Variants in PARD3B observed in about 807,000 individuals in gnomAD.
PARD3B encodes the protein partitioning defective 3 homolog B.
PARD3B carries 103 observed loss-of-function variants against 130.2 expected under a neutral mutation model. That is an observed-to-expected ratio of 0.79 (90% CI 0.67 to 0.93). The LOEUF (loss-of-function observed/expected upper bound fraction) is 0.93, where lower values mean the gene tolerates loss of function less well. PARD3B is among the 40% of genes least tolerant of loss of function. PARD3B has a pLI of 0.00. For missense variants in PARD3B, 1,609 were observed against 1,499.2 expected (o/e 1.07, Z -1.21); for synonymous variants, 583 against 553.2 (o/e 1.05, Z -0.76).
In PARD3B at chr2:205,309,210, G is replaced by A. The variant is rs147825086; in HGVS notation, c.2630+7509G>A. Among the ~76,000 whole-genome samples, 65 of 152,296 alleles carry A rather than the reference G, an allele frequency of 4.3e-4. No homozygotes were observed. In the East Asian group the frequency reaches 0.012, roughly 28 times the overall value. On this transcript the variant is annotated intron_variant, in intron 18 of 22. Transcript: ENST00000406610. The surrounding 1 kb of genome is among the most constrained non-coding windows in gnomAD (Gnocchi z 4.7). ...ACCTGCAGTACACATTCTAAGACAG[G>A]TGGGCATTAATGTAAATGGTGAACT... is the stretch of plus-strand genomic sequence containing the variant.
chr2:204,717,657 C>T (rs898926301), intron 2 of PARD3B, among the ~76,000 whole-genome samples: 12 of 152,260 alleles, frequency 7.9e-5, no homozygotes, highest in East Asian at 5.8e-4. Flanking sequence ...GTGAGAGCCA[C>T]GGTCATCTCT....
intron 1 of PARD3B, among the ~76,000 whole-genome samples, chr2:204,614,249 A>G (rs1179978186): frequency 1.3e-5 from 2 of 152,338 alleles, no homozygotes; most frequent in African/African-American, 2.4e-5. Context: ...CGTAAAGCTG[A>G]TATTTCCCAA....
intron 3 of PARD3B, among the ~76,000 whole-genome samples, chr2:204,994,285 G>C (rs1407390174): frequency 9.0e-6 from 1 of 111,450 alleles, no homozygotes; most frequent in Non-Finnish European, 1.9e-5. Context: ...TTGTGTCTTT[G>C]TTCTCGTTGG....
chr2:205,518,682 T>C (rs1335543553), intron 21 of PARD3B, among the ~76,000 whole-genome samples: 1 of 152,196 alleles, frequency 6.6e-6, no homozygotes, highest in East Asian at 1.9e-4. Flanking sequence ...GACACTGGTC[T>C]GTATGTTTAA....
At position 205,251,330 on chromosome 2, in the gene PARD3B, C is replaced by T. The variant is rs1328796580; in HGVS notation, c.2185+5508C>T. 2.6e-5 allele frequency among the ~76,000 whole-genome samples: 4 copies of T among 151,904 alleles called. No individual in the cohort carries two copies. In the South Asian group the frequency reaches 6.3e-4, roughly 24 times the overall value. The stretch of plus-strand genomic sequence containing the variant: ...TATGAGAGAGAAGATGTGCATGTGA[C>T]GTGTATAAATTATACCAAAGGCACA... On this transcript the variant is annotated intron_variant, in intron 16 of 22. Transcript: ENST00000406610.
chr2:204,722,213 C>T (rs2039029221), intron 2 of PARD3B, among the ~76,000 whole-genome samples: 2 of 152,138 alleles, frequency 1.3e-5, no homozygotes, highest in African/African-American at 4.8e-5. Flanking sequence ...ATAATTGGAT[C>T]CTGTAGATTG....
At chr2:205,580,547 C>T (rs1344866363) in intron 22 of PARD3B, among the ~76,000 whole-genome samples, 1 of 152,162 alleles carries the variant, frequency 6.6e-6, no homozygotes, top group African/African-American at 2.4e-5. Flanking sequence ...CTCAAATCTG[C>T]ACCAAAAGCT....
At chr2:204,627,767 G>C (rs2034537264) in intron 1 of PARD3B, among the ~76,000 whole-genome samples, 1 of 152,010 alleles carries the variant, frequency 6.6e-6, no homozygotes, top group African/African-American at 2.4e-5. Flanking sequence ...TTTAATCCCA[G>C]AAAAAGACTT....
At chr2:204,652,948 T>C (rs1292514864) in intron 1 of PARD3B, among the ~76,000 whole-genome samples, 1 of 150,946 alleles carries the variant, frequency 6.6e-6, no homozygotes, top group East Asian at 1.9e-4. Context: ...ATCATGACAA[T>C]AGCAGGGGAA....
chr2:205,502,802 A>AAT (rs1346876610), intron 21 of PARD3B, among the ~76,000 whole-genome samples: 3 of 152,158 alleles, frequency 2.0e-5, no homozygotes, highest in Middle Eastern at 3.4e-3. Flanking sequence ...AATATTTTAA[A>AAT]ATATATATAT....
Position 204,907,417 on chromosome 2 carries a change from A to T in PARD3B, c.223-57735A>T, listed in dbSNP as rs1037373218. 6.6e-6 allele frequency among the ~76,000 whole-genome samples: 1 copy of T among 152,188 alleles called. No individual in the cohort carries two copies. The highest frequency in any genetic ancestry group is 6.5e-5 in the Admixed American group (1 of 15,278). On this transcript the variant is annotated intron_variant, in intron 2 of 22. Coordinates refer to ENST00000406610, the MANE Select transcript of PARD3B (RefSeq NM_001302769.2). This position sits in a 1 kb window ranked among gnomAD's most constrained non-coding sequence, Gnocchi z 5.7. ...TTACATTTCTATTTGAATGTAAATT[A>T]TATTATGTGATAAAATTCCTCTGGA...
At chr2:204,847,711 G>C (rs2044520838) in intron 2 of PARD3B, among the ~76,000 whole-genome samples, 1 of 152,096 alleles carries the variant, frequency 6.6e-6, no homozygotes, top group Non-Finnish European at 1.5e-5. Context: ...TTGTGTTCAA[G>C]TAACCCTCAT....
chr2:205,435,549 T>C (rs2047483839), intron 19 of PARD3B, among the ~76,000 whole-genome samples: 1 of 151,942 alleles, frequency 6.6e-6, no homozygotes, highest in Non-Finnish European at 1.5e-5. Context: ...TGGTAAAGAG[T>C]TTATTTTGTG....
chr2:205,230,034 T>C lies in PARD3B; in HGVS notation c.2141-15744T>C, dbSNP rs992343098. The stretch of plus-strand genomic sequence containing the variant: ...TGCTGCCAGGCCTGGGACTCTCTCT[T>C]CAGGGCAGTGGGCTCTCCTCTGGCC... On this transcript the variant is annotated intron_variant, in intron 15 of 22. Coordinates refer to ENST00000406610, the MANE Select transcript of PARD3B (RefSeq NM_001302769.2). This position sits in a 1 kb window ranked among gnomAD's most constrained non-coding sequence, Gnocchi z 4.1. Among the ~76,000 whole-genome samples the C allele has an allele frequency of 6.6e-6, 1 of 151,836 alleles. No individual in the cohort carries two copies. Among genetic ancestry groups the C allele is most frequent in the Admixed American group, 6.6e-5 (1 of 15,240 alleles).
chr2:205,104,112 C>A (rs1703023815), intron 4 of PARD3B, among the ~76,000 whole-genome samples: 1 of 152,148 alleles, frequency 6.6e-6, no homozygotes, highest in African/African-American at 2.4e-5. Context: ...CTTTGGTATT[C>A]TTTTCCTTTC....
chr2:205,385,196 C>T (rs1473135912), intron 18 of PARD3B, among the ~76,000 whole-genome samples: 1 of 151,908 alleles, frequency 6.6e-6, no homozygotes, highest in African/African-American at 2.4e-5. Context: ...TAATAAATTA[C>T]CAAATTCAAG....
In PARD3B at chr2:205,253,194, A is replaced by G; in HGVS notation, c.2185+7372A>G. On this transcript the variant is annotated intron_variant, in intron 16 of 22. Transcript: ENST00000406610. This position sits in a 1 kb window ranked among gnomAD's most constrained non-coding sequence, Gnocchi z 4.4. ...TACAGGTTAGGACCAGCTTTTCTGC[A>G]GGTGTTGACCAGCAATTTCCTGCGG... The G allele has an allele frequency of 5.1e-6, 2 of 393,582 alleles. No individual in the cohort carries two copies. Among genetic ancestry groups the G allele is most frequent in the Admixed American group, 5.7e-5 (2 of 34,820 alleles). The allele number at this position is 393,582 out of a possible 1,614,324, so 24.4% of individuals were successfully genotyped here. A position where few individuals can be genotyped will look rare whatever the true frequency, so the allele number is the denominator to read the frequency against.
In PARD3B at chr2:205,435,420, C is replaced by T. The variant is rs550148590; in HGVS notation, c.2742-4950C>T. Among the ~76,000 whole-genome samples the T allele has an allele frequency of 2.2e-3, 332 of 151,962 alleles. 1 individual carries two copies. The highest frequency in any genetic ancestry group is 7.7e-3 in the African/African-American group (318 of 41,488). On this transcript the variant is annotated intron_variant, in intron 19 of 22. Transcript: ENST00000406610. ...GTTTTTCTTTTTGATACCTGGGATC[C>T]TTTAATTATAATAAAGAAATTTATT... is the stretch of plus-strand genomic sequence containing the variant.
chr2:205,164,990 G>A (rs890130545), intron 11 of PARD3B, among the ~76,000 whole-genome samples: 24 of 151,896 alleles, frequency 1.6e-4, no homozygotes, highest in African/African-American at 5.1e-4. Context: ...CTGGTTTTAA[G>A]CAATCTCAGT....
Sources: gnomAD v4.1 joint callset for allele counts (sites outside exome capture counted in the v4.1 genomes callset) on GRCh38, gnomAD v4.1.1 for gene constraint, Gnocchi (gnomAD v3.1) non-coding constraint, MANE v1.5 for transcripts, NCBI Gene and HGNC (gene_info 2026-07-23, HGNC 2026-07-21) for gene names.